Variants in ZNF618 observed in about 807,000 individuals in gnomAD.
The protein encoded by ZNF618 is zinc finger protein 618.
ZNF618 carries 34 observed loss-of-function variants against 103.0 expected under a neutral mutation model. The ratio of observed to expected loss-of-function variants is 0.33; its 90% CI spans 0.25 to 0.44. The LOEUF is 0.44. Among genes scored for constraint, ZNF618 ranks in the 20% least tolerant of loss-of-function variants. The pLI, the probability that ZNF618 is intolerant of heterozygous loss-of-function variation, is 1.00. For synonymous variants in ZNF618, 551 were observed against 542.2 expected, an observed-to-expected ratio of 1.02 and a Z score of -0.23; for missense variants, 1,059 against 1,295.4, an observed-to-expected ratio of 0.82 and a Z score of 2.80.
intron 1 of ZNF618, among the ~76,000 whole-genome samples, chr9:113,925,824 T>C (rs1191429096): frequency 2.0e-5 from 3 of 152,202 alleles, no homozygotes; most frequent in Non-Finnish European, 2.9e-5. Context: ...ATAACATTGC[T>C]GTCATTCATT....
Position 113,914,957 on chromosome 9 carries a change from T to G in ZNF618, c.33+38544T>G, listed in dbSNP as rs117273744. On this transcript the variant is annotated intron_variant, in intron 1 of 14. Transcript: ENST00000374126. ...CTGCATAGCCCCTGATCCTTTGAAA[T>G]TTGCACCCCTGTCTAAGAACAGTTT... is the stretch of plus-strand genomic sequence containing the variant. Among the ~76,000 whole-genome samples the G allele has an allele frequency of 4.9e-3, 740 of 152,236 alleles. 1 individual carries two copies. Among genetic ancestry groups the G allele is most frequent in the Non-Finnish European group, 8.2e-3 (557 of 68,016 alleles).
rs113819665 is a variant in ZNF618 at position 114,050,442 on chromosome 9, GCACACACACACA to G, written c.*297_*308del. 4.5e-4 allele frequency: 95 copies of G among 210,434 alleles called. No individual in the cohort carries two copies. The highest frequency in any genetic ancestry group is 1.6e-3 in the Middle Eastern group (1 of 622). The allele number at this position is 210,434 out of a possible 1,614,324, so 13.0% of individuals were successfully genotyped here. On this transcript the variant is annotated 3_prime_UTR_variant, in exon 15 of 15. Coordinates refer to ENST00000374126, the MANE Select transcript of ZNF618 (RefSeq NM_001318042.2). ...ATGGCCAGAGAAACTTTGCACACAC[GCACACACACACA>G]CACACACACACACACACACACGACC... is the stretch of plus-strand genomic sequence containing the variant.
intron 11 of ZNF618, 88 bp from the exon 12 acceptor site, chr9:114,032,557 C>A: frequency 8.0e-7 from 1 of 1,257,802 alleles, no homozygotes; most frequent in Non-Finnish European, 1.2e-6. Context: ...CAGCAGAGTC[C>A]TTGGCCTTCA....
chr9:114,016,783 C>T lies in ZNF618; in HGVS notation c.843C>T (p.Ile281=), dbSNP rs1239752195. The T allele has an allele frequency of 1.2e-6, 2 of 1,611,736 alleles. No individual in the cohort carries two copies. The highest frequency in any genetic ancestry group is 2.2e-5 in the East Asian group (1 of 44,838). ...YQEHVALHAP[I]STAPGWEPPD... ...AGCATGTGGCCTTACACGCCCCCAT[C>T]AGTGAGTACCTCCTCCCGGTAGGGA... Residue 281 remains isoleucine (I), a splice_region_variant and synonymous_variant, in exon 10 of 15, where the codon ATC becomes ATT. Coordinates refer to ENST00000374126, the MANE Select transcript of ZNF618 (RefSeq NM_001318042.2).
intron 1 of ZNF618, among the ~76,000 whole-genome samples, chr9:113,965,943 A>G (rs982730879): frequency 6.6e-6 from 1 of 152,112 alleles, no homozygotes; most frequent in Admixed American, 6.5e-5. Context: ...GTGGCCACTC[A>G]TGAGATGCCG....
intron 1 of ZNF618, among the ~76,000 whole-genome samples, chr9:113,948,143 C>G (rs1835227561): frequency 6.6e-6 from 1 of 152,168 alleles, no homozygotes; most frequent in Non-Finnish European, 1.5e-5. Context: ...GTCATACATG[C>G]AGTGCGACCT....
At chr9:114,008,765 G>T (rs7853168) in intron 9 of ZNF618, among the ~76,000 whole-genome samples, 10,791 of 152,258 alleles carry the variant, frequency 0.071, 491 homozygotes, top group African/African-American at 0.13. Flanking sequence ...GACAGTGAAG[G>T]CAGCCAGGCT....
At position 114,049,948 on chromosome 9, in the gene ZNF618, C is replaced by T. The variant is rs1216675163; in HGVS notation, c.2646C>T (p.Leu882=). The stretch of plus-strand genomic sequence containing the variant: ...TGTACGATTACCTGCAGGAGCCCCT[C>T]TTCCAGGCTACCCCTGATCTCTTCC... ...NEVYDYLQEP[L]FQATPDLFQY... The change falls in exon 15 of 15, where the codon CTC becomes CTT. Residue 882 remains leucine, a synonymous_variant. Transcript: ENST00000374126. The T allele has an allele frequency of 6.2e-7, 1 of 1,613,984 alleles. No homozygotes were observed. The highest frequency in any genetic ancestry group is 8.5e-7 in the Non-Finnish European group (1 of 1,179,904).
At chr9:114,014,779 A>G (rs2133921201) in intron 9 of ZNF618, among the ~76,000 whole-genome samples, 1 of 149,844 alleles carries the variant, frequency 6.7e-6, no homozygotes, top group Non-Finnish European at 1.5e-5. Context: ...TTTTTTTTTC[A>G]GTAGGTCTTA....
chr9:113,899,005 GGAGGGTGGCTGT>G (rs1468730618), intron 1 of ZNF618, among the ~76,000 whole-genome samples: 1 of 152,276 alleles, frequency 6.6e-6, no homozygotes, highest in East Asian at 1.9e-4. Flanking sequence ...AGAGTCTCCA[GGAGGGTGGCTGT>G]GAGATGGTCC....
rs375420252 is a variant in ZNF618, at chr9:114,049,984, G to A, written c.2682G>A (p.Ser894=). Residue 894 remains serine, a synonymous_variant, in exon 15 of 15, where the codon TCG becomes TCA. Coordinates refer to ENST00000374126, the MANE Select transcript of ZNF618 (RefSeq NM_001318042.2). ...QATPDLFQYW[S]CVTQKHTKLA... ...CCCCTGATCTCTTCCAGTACTGGTCGTGCGTTACCCAAAAGCACACAAAAC... is the reference window on the plus strand; with the variant it reads ...CCCCTGATCTCTTCCAGTACTGGTCATGCGTTACCCAAAAGCACACAAAAC... The A allele has an allele frequency of 5.6e-4, 906 of 1,613,944 alleles. 1 individual carries two copies. Among genetic ancestry groups the A allele is most frequent in the Non-Finnish European group, 7.0e-4 (829 of 1,179,892 alleles).
chr9:113,984,727 T>G (rs1317474998), intron 2 of ZNF618, among the ~76,000 whole-genome samples: 1 of 152,218 alleles, frequency 6.6e-6, no homozygotes, highest in Non-Finnish European at 1.5e-5. Flanking sequence ...TCCATCTCTT[T>G]GCCTACTGAG....
intron 2 of ZNF618, among the ~76,000 whole-genome samples, chr9:113,973,812 G>A (rs1838227635): frequency 6.6e-6 from 1 of 152,208 alleles, no homozygotes; most frequent in South Asian, 2.1e-4. Flanking sequence ...TTTCAGAGCT[G>A]GAAGGACTGT....
rs187816450 is a variant in ZNF618 at position 113,924,924 on chromosome 9, G to T, written c.34-44193G>T. ...TTTCTGTTCTTTTAATCTCGTTAGG[G>T]TGCTCTTTTGGGCCTAAAATGTGAC... is the stretch of plus-strand genomic sequence containing the variant. On this transcript the variant is annotated intron_variant, in intron 1 of 14. Coordinates refer to ENST00000374126, the MANE Select transcript of ZNF618 (RefSeq NM_001318042.2). Among the ~76,000 whole-genome samples the T allele has an allele frequency of 5.5e-3, 836 of 151,868 alleles. 7 individuals carry two copies. Among genetic ancestry groups the T allele is most frequent in the South Asian group, 0.024 (114 of 4,804 alleles).
chr9:113,962,395 C>G (rs1170572384), intron 1 of ZNF618, among the ~76,000 whole-genome samples: 1 of 152,192 alleles, frequency 6.6e-6, no homozygotes, highest in East Asian at 1.9e-4. Context: ...GCCTCATGGT[C>G]TCCTTTCAAC....
intron 6 of ZNF618, among the ~76,000 whole-genome samples, chr9:114,005,512 G>C (rs1434183886): frequency 6.6e-6 from 1 of 152,160 alleles, no homozygotes; most frequent in African/African-American, 2.4e-5. Context: ...TGAAGTGAGG[G>C]GTCAGGCCCA....
Position 113,951,563 on chromosome 9 carries a change from ATG to A in ZNF618, c.34-17544_34-17543del, listed in dbSNP as rs1181352294. 6.4e-3 allele frequency among the ~76,000 whole-genome samples: 232 copies of A among 36,228 alleles called. 51 individuals carry two copies. The highest frequency in any genetic ancestry group is 0.029 in the South Asian group (21 of 718). 23.8% of individuals were successfully genotyped at this position (36,228 alleles called of 152,430 possible). A position where few individuals can be genotyped will look rare whatever the true frequency, so the allele number is the denominator to read the frequency against. Reference sequence around the variant, plus strand: ...CATATGTACACATATGTGTGTGTATATGTGTGTGTGTATATGTGTGTGTGTGT... The same window carrying A: ...CATATGTACACATATGTGTGTGTATATGTGTGTGTATATGTGTGTGTGTGT... On this transcript the variant is annotated intron_variant, in intron 1 of 14. Transcript: ENST00000374126.
rs750173022 is a variant in ZNF618 at position 114,028,294 on chromosome 9, A to G, written c.845-439A>G. 6.1e-5 allele frequency: 11 copies of G among 180,102 alleles called. 1 individual carries two copies. The highest frequency in any genetic ancestry group is 1.1e-4 in the Admixed American group (2 of 18,662). 11.2% of individuals were successfully genotyped at this position (180,102 alleles called of 1,614,324 possible). ...CTTGCCCTAAAACCTTGGAGGGACT[A>G]TCAGGCCCCTCTGCCTCACCCCCAG... On this transcript the variant is annotated intron_variant, in intron 10 of 14. Transcript: ENST00000374126.
intron 1 of ZNF618, among the ~76,000 whole-genome samples, chr9:113,951,684 T>C (rs1010979435): frequency 1.3e-5 from 2 of 151,612 alleles, no homozygotes; most frequent in Non-Finnish European, 2.9e-5. Context: ...GGCAGTTGTA[T>C]GTTGAGGGGC....
Sources: gnomAD v4.1 joint callset for allele counts (sites outside exome capture counted in the v4.1 genomes callset) on GRCh38, gnomAD v4.1.1 for gene constraint, MANE v1.5 for transcripts, NCBI Gene and HGNC (gene_info 2026-07-23, HGNC 2026-07-21) for gene names.